The following DNAH11 variants were observed in gnomAD, a reference collection of about 807,000 sequenced individuals.
DNAH11 encodes the protein dynein axonemal heavy chain 11, also known as axonemal beta dynein heavy chain 11.
In DNAH11, 442 loss-of-function variants were observed where a neutral mutation model predicts 526.0. The observed-to-expected ratio is 0.84, with a 90% CI of 0.78 to 0.91. The LOEUF is 0.91. Among genes scored for constraint, DNAH11 ranks in the 40% least tolerant of loss-of-function variants. The pLI, the probability that DNAH11 is intolerant of heterozygous loss-of-function variation, is 0.00. For missense variants in DNAH11, 6,989 were observed against 5,448.7 expected (o/e 1.28, Z -8.90); for synonymous variants, 2,461 against 1,935.9 (o/e 1.27, Z -7.12).
intron 31 of DNAH11, among the ~76,000 whole-genome samples, chr7:21,683,480 A>G (rs984222009): frequency 6.6e-6 from 1 of 152,036 alleles, no homozygotes; most frequent in Non-Finnish European, 1.5e-5. Context: ...GACTTCAGTG[A>G]TATGAGTATA....
chr7:21,833,170 A>T (rs1185900866), intron 65 of DNAH11, among the ~76,000 whole-genome samples: 2 of 152,192 alleles, frequency 1.3e-5, no homozygotes, highest in African/African-American at 4.8e-5. Context: ...TATTTGTTTA[A>T]TTTTTAATTA....
intron 55 of DNAH11, among the ~76,000 whole-genome samples, chr7:21,769,185 T>A (rs1025030034): frequency 7.9e-5 from 12 of 152,216 alleles, no homozygotes. Flanking sequence ...AGTCTTATAC[T>A]GGCTTAAGCA....
chr7:21,610,651 C>T (rs1485923014), intron 20 of DNAH11, among the ~76,000 whole-genome samples: 1 of 151,168 alleles, frequency 6.6e-6, no homozygotes, highest in Non-Finnish European at 1.5e-5. Context: ...GACTATCAAC[C>T]ATGATCAGTT....
At chr7:21,678,569 G>GT (rs1583586815) in intron 30 of DNAH11, among the ~76,000 whole-genome samples, 1 of 150,406 alleles carries the variant, frequency 6.6e-6, no homozygotes, top group African/African-American at 2.5e-5. Flanking sequence ...TTTTAAGATT[G>GT]TTTTTTCTAC....
chr7:21,600,080 G>A lies in DNAH11; in HGVS notation c.2961G>A (p.Met987Ile), dbSNP rs1325295686. ...LCNSFRMSAQ[M>I]NRIATHLEIK... Reference sequence around the variant, plus strand: ...ATAGTTTTAGAATGTCTGCCCAGATGAACCGAATAGCAACACACCTGGAAA... The same window carrying A: ...ATAGTTTTAGAATGTCTGCCCAGATAAACCGAATAGCAACACACCTGGAAA... The change falls in exon 15 of 82, where the codon ATG becomes ATA. Residue 987 changes from methionine to isoleucine, a missense_variant. Coordinates refer to ENST00000409508, the MANE Select transcript of DNAH11 (RefSeq NM_001277115.2). The A allele has an allele frequency of 1.3e-6, 2 of 1,580,322 alleles. No homozygotes were observed. The highest frequency in any genetic ancestry group is 1.2e-5 in the South Asian group (1 of 84,464).
At chr7:21,641,225 A>T (rs1187301044) in intron 28 of DNAH11, among the ~76,000 whole-genome samples, 1 of 152,144 alleles carries the variant, frequency 6.6e-6, no homozygotes, top group African/African-American at 2.4e-5. Flanking sequence ...TGATTCTCCT[A>T]TTCCTCTTCC....
chr7:21,642,412 GCTCA>G (rs1787171051), intron 28 of DNAH11, among the ~76,000 whole-genome samples: 2 of 152,212 alleles, frequency 1.3e-5, no homozygotes, highest in African/African-American at 2.4e-5. Flanking sequence ...CTGAATTCTT[GCTCA>G]CTAACTATGG....
intron 5 of DNAH11, 112 bp from the exon 6 acceptor site, chr7:21,564,074 C>A: frequency 2.9e-6 from 2 of 701,518 alleles, no homozygotes; most frequent in Admixed American, 3.1e-5. Flanking sequence ...ACTATGACAA[C>A]ATTTAAGTGT....
At chr7:21,671,401 G>A (rs970020) in intron 30 of DNAH11, among the ~76,000 whole-genome samples, 80,209 of 151,986 alleles carry the variant, frequency 0.53, 21,948 homozygotes, top group Admixed American at 0.67. Context: ...TCCTTTTCAG[G>A]AAAAGGGCCA....
rs752630551 is a variant in DNAH11 at position 21,899,420 on chromosome 7, C to G, written c.13134C>G (p.Gly4378=). Residue 4378 remains glycine, a synonymous_variant, in exon 80 of 82, where the codon GGC becomes GGG. Coordinates refer to ENST00000409508, the MANE Select transcript of DNAH11 (RefSeq NM_001277115.2). ...TTCCGGCTGTCGTGTGGCTCTCCGG[C>G]TTCTTCAACCCTCAGTCCTTCTTAA... is the stretch of plus-strand genomic sequence containing the variant. ...LTLPAVVWLS[G]FFNPQSFLTA... 3 of 1,613,706 alleles carry G rather than the reference C, an allele frequency of 1.9e-6. No individual in the cohort carries two copies. The highest frequency in any genetic ancestry group is 4.5e-5 in the East Asian group (2 of 44,878).
intron 39 of DNAH11, among the ~76,000 whole-genome samples, chr7:21,705,803 G>A (rs901399315): frequency 2.6e-5 from 4 of 152,158 alleles, no homozygotes; most frequent in Non-Finnish European, 4.4e-5. Context: ...AACTTTCCAC[G>A]TGAGATGTTC....
At chr7:21,900,897 AATATGAC>A (rs1784777043) in intron 81 of DNAH11, 103 bp from the exon 82 acceptor site, 1 of 1,475,232 alleles carries the variant, frequency 6.8e-7, no homozygotes, top group South Asian at 1.6e-5. Context: ...GACAAGCAAA[AATATGAC>A]AAAACCAGAA....
At chr7:21,736,535 G>T (rs1375167627) in intron 46 of DNAH11, among the ~76,000 whole-genome samples, 1 of 152,166 alleles carries the variant, frequency 6.6e-6, no homozygotes, top group Non-Finnish European at 1.5e-5. Flanking sequence ...GGCTCCTGGG[G>T]TATCTGTTTA....
intron 20 of DNAH11, among the ~76,000 whole-genome samples, chr7:21,613,125 A>G (rs1008969186): frequency 6.6e-6 from 1 of 151,788 alleles, no homozygotes; most frequent in Non-Finnish European, 1.5e-5. Flanking sequence ...AATAGTGTGT[A>G]TTCATATAAT....
In DNAH11 at chr7:21,842,637, A is replaced by T. The variant is rs1239055683; in HGVS notation, c.10785A>T (p.Glu3595Asp). The T allele has an allele frequency of 6.2e-7, 1 of 1,613,994 alleles. No individual in the cohort carries two copies. ...TGGCAAATCCTCACTATAAGCCGGA[A>T]TTACAAGCTCAGACAACTCTCCTCA... The part of the protein sequence containing the change: ...TKLANPHYKP[E>D]LQAQTTLLNF... The change falls in exon 66 of 82, where the codon GAA becomes GAT. Residue 3595 changes from glutamate to aspartate, a missense_variant. Glu to Asp is a conservative substitution (Grantham distance 45). Transcript: ENST00000409508.
chr7:21,578,102 G>A (rs1198231821), intron 8 of DNAH11, among the ~76,000 whole-genome samples: 4 of 152,172 alleles, frequency 2.6e-5, no homozygotes, highest in Non-Finnish European at 4.4e-5. Flanking sequence ...CAGAGAGAGA[G>A]CAAAGGGAGA....
Position 21,545,168 on chromosome 7 carries a change from T to C in DNAH11, c.495+19T>C, listed in dbSNP as rs1218585077. The C allele has an allele frequency of 6.3e-7, 1 of 1,583,376 alleles. No homozygotes were observed. Among genetic ancestry groups the C allele is most frequent in the Non-Finnish European group, 8.6e-7 (1 of 1,165,300 alleles). On this transcript the variant is annotated intron_variant, in intron 2 of 81. Transcript: ENST00000409508. Reference sequence around the variant, plus strand: ...TGATGAGGTACTGGTCTGTCTTTAATATTTAAAGCTTTCACTTATCTCCAT... The same window carrying C: ...TGATGAGGTACTGGTCTGTCTTTAACATTTAAAGCTTTCACTTATCTCCAT...
chr7:21,811,926 A>T (rs1583723399), intron 63 of DNAH11, among the ~76,000 whole-genome samples: 1 of 152,278 alleles, frequency 6.6e-6, no homozygotes, highest in East Asian at 1.9e-4. Flanking sequence ...ATTTCCCATC[A>T]AAAAAGGAGG....
intron 2 of DNAH11, among the ~76,000 whole-genome samples, chr7:21,548,269 T>C (rs761480298): frequency 5.9e-5 from 9 of 152,196 alleles, no homozygotes; most frequent in Admixed American, 1.3e-4. Flanking sequence ...AGTGCAAGCC[T>C]GTTTTCTCAG....
Sources: allele counts gnomAD v4.1 joint callset (sites outside exome capture counted in the v4.1 genomes callset), GRCh38; gene constraint gnomAD v4.1.1; transcripts MANE v1.5; gene names NCBI Gene and HGNC (gene_info 2026-07-23, HGNC 2026-07-21).